THEMIS: variants seen among roughly 807,000 people sequenced by gnomAD.
THEMIS encodes the protein protein THEMIS.
In THEMIS, 37 loss-of-function variants were observed where a neutral mutation model predicts 52.6. The observed-to-expected ratio is 0.70, with a 90% confidence interval of 0.54 to 0.93. The LOEUF (loss-of-function observed/expected upper bound fraction) is 0.93. Ranked by LOEUF, THEMIS falls within the 40% of genes least tolerant of loss-of-function variation. THEMIS has a pLI of 0.00. For missense variants in THEMIS, 808 were observed against 763.1 expected (o/e 1.06, Z -0.69); for synonymous variants, 292 against 272.7 (o/e 1.07, Z -0.70).
intron 4 of THEMIS, among the ~76,000 whole-genome samples, chr6:127,744,540 C>T (rs766687489): frequency 2.0e-5 from 3 of 151,882 alleles, no homozygotes; most frequent in East Asian, 1.9e-4. Context: ...CATGGATGGA[C>T]CTGGAAGGCA....
At chr6:127,829,402 A>T in intron 3 of THEMIS, 74 bp downstream of exon 3, 1 of 1,222,662 alleles carries the variant, frequency 8.2e-7, no homozygotes, top group Non-Finnish European at 1.1e-6. Context: ...CCCATTCTTC[A>T]GGCTCTAAAA....
At chr6:127,707,928 G>A (rs1178680523), downstream of THEMIS, 2 of 152,082 alleles carry the variant, frequency 1.3e-5, no homozygotes, top group Admixed American at 6.6e-5. Context: ...CAATTAGGAA[G>A]AGGCCAATAT....
At chr6:127,719,962 T>C in intron 4 of THEMIS, 139 bp from the exon 5 acceptor site, 1 of 1,099,686 alleles carries the variant, frequency 9.1e-7, no homozygotes, top group Non-Finnish European at 1.3e-6. Flanking sequence ...CTACAAATTA[T>C]ATGTTCATCA....
intron 4 of THEMIS, among the ~76,000 whole-genome samples, chr6:127,737,156 G>A (rs1409182941): frequency 1.3e-5 from 2 of 152,176 alleles, no homozygotes; most frequent in Non-Finnish European, 2.9e-5. Context: ...CTACCTTTCA[G>A]AGTGTAGCTA....
intron 4 of THEMIS, among the ~76,000 whole-genome samples, chr6:127,755,121 C>G (rs1415471166): frequency 4.6e-5 from 7 of 151,904 alleles, no homozygotes. Flanking sequence ...TTTTTGAAAA[C>G]CGCCAGCATC....
downstream of THEMIS, among the ~76,000 whole-genome samples, chr6:127,703,647 C>T (rs1282897442): frequency 6.6e-6 from 1 of 152,164 alleles, no homozygotes; most frequent in Non-Finnish European, 1.5e-5. Context: ...ATGTATCTAG[C>T]TCTCATTCTT....
intron 4 of THEMIS, among the ~76,000 whole-genome samples, chr6:127,720,934 T>A (rs1220583855): frequency 6.6e-6 from 1 of 151,992 alleles, no homozygotes; most frequent in Non-Finnish European, 1.5e-5. Flanking sequence ...TCTTCACCCA[T>A]CTCTGTATCC....
chr6:127,840,572 A>G (rs1779013809), intron 2 of THEMIS, among the ~76,000 whole-genome samples: 1 of 152,132 alleles, frequency 6.6e-6, no homozygotes, highest in Non-Finnish European at 1.5e-5. Flanking sequence ...TGCATGTGTT[A>G]CTTGTAAAAC....
At position 127,896,722 on chromosome 6, in the gene THEMIS, T is replaced by C. The variant is rs541617579; in HGVS notation, c.91+4120A>G. On this transcript the variant is annotated intron_variant, in intron 1 of 5. Coordinates refer to ENST00000368248, the MANE Select transcript of THEMIS (RefSeq NM_001010923.3). The stretch of plus-strand genomic sequence containing the variant: ...AGTTATCAAATTTGGCTGTGTGTTA[T>C]AATCATCAGGAAGATTTTCAAAAAC... 2.2e-4 allele frequency among the ~76,000 whole-genome samples: 34 copies of C among 151,714 alleles called. No homozygotes were observed. In the East Asian group the frequency reaches 6.4e-3, roughly 29 times the overall value.
intron 4 of THEMIS, among the ~76,000 whole-genome samples, chr6:127,755,863 C>T (rs1775805732): frequency 6.6e-6 from 1 of 152,014 alleles, no homozygotes. Context: ...CCTGTCTCTA[C>T]TAAAAATACA....
intron 4 of THEMIS, among the ~76,000 whole-genome samples, chr6:127,724,900 A>G (rs566925739): frequency 6.6e-6 from 1 of 152,162 alleles, no homozygotes; most frequent in East Asian, 1.9e-4. Context: ...ACCTAAGGCC[A>G]TGCCGTTGAA....
chr6:127,712,058 C>T (rs1440953693), intron 5 of THEMIS, among the ~76,000 whole-genome samples: 1 of 151,900 alleles, frequency 6.6e-6, no homozygotes, highest in African/African-American at 2.4e-5. Flanking sequence ...ATATCACTTG[C>T]CATTGCCATC....
chr6:127,878,497 T>G (rs1350136904), intron 1 of THEMIS, among the ~76,000 whole-genome samples: 1 of 152,212 alleles, frequency 6.6e-6, no homozygotes, highest in African/African-American at 2.4e-5. Flanking sequence ...TGTTAGACTT[T>G]TTTTGGTTGT....
In THEMIS at chr6:127,916,249, T is replaced by C. The variant is rs142755086; in HGVS notation, c.-150+2179A>G. ...TGAGTTAGAAATAATTATATAGATA[T>C]GTATGTATATGTATATATGCACATA... On this transcript the variant is annotated intron_variant, in intron 1 of 6. Transcript: ENST00000368250. Among the ~76,000 whole-genome samples, 368 of 151,804 alleles carry C rather than the reference T, an allele frequency of 2.4e-3. 2 individuals are homozygous for C. Among genetic ancestry groups the C allele is most frequent in the African/African-American group, 7.3e-3 (301 of 41,440 alleles).
intron 3 of THEMIS, among the ~76,000 whole-genome samples, chr6:127,824,934 A>AAAC (rs1173339647): frequency 2.6e-5 from 4 of 152,024 alleles, no homozygotes; most frequent in Non-Finnish European, 5.9e-5. Flanking sequence ...CAAAACAAAC[A>AAAC]AACAAACAAA....
At chr6:127,845,770 A>T (rs1473468250) in intron 2 of THEMIS, among the ~76,000 whole-genome samples, 1 of 151,942 alleles carries the variant, frequency 6.6e-6, no homozygotes, top group East Asian at 1.9e-4. Context: ...GATGGGAAAA[A>T]AAATAATAGG....
intron 1 of THEMIS, among the ~76,000 whole-genome samples, chr6:127,887,018 A>C (rs1404278828): frequency 2.0e-5 from 3 of 148,052 alleles, no homozygotes; most frequent in South Asian, 2.3e-4. Flanking sequence ...CTCCCCCCCC[A>C]AAAAATACAT....
intron 4 of THEMIS, among the ~76,000 whole-genome samples, chr6:127,767,596 A>G (rs1776244420): frequency 6.6e-6 from 1 of 152,140 alleles, no homozygotes; most frequent in Admixed American, 6.6e-5. Context: ...TGAAGTTGTC[A>G]ACTCCTTTGG....
At chr6:127,737,921 C>A (rs754324753) in intron 4 of THEMIS, among the ~76,000 whole-genome samples, 1 of 152,110 alleles carries the variant, frequency 6.6e-6, no homozygotes, top group Non-Finnish European at 1.5e-5. Context: ...CTTTATACAA[C>A]GTGCTTGTGC....
Sources: allele counts gnomAD v4.1 joint callset (sites outside exome capture counted in the v4.1 genomes callset), GRCh38; gene constraint gnomAD v4.1.1; transcripts MANE v1.5; gene names NCBI Gene and HGNC (gene_info 2026-07-23, HGNC 2026-07-21).